Variants in LRRC4C observed in about 807,000 individuals in gnomAD.
LRRC4C encodes leucine-rich repeat-containing protein 4C.
LRRC4C carries 5 observed loss-of-function variants against 33.6 expected under a neutral mutation model. The ratio of observed to expected loss-of-function variants is 0.15; its 90% confidence interval spans 0.08 to 0.31. The LOEUF is 0.31. Among genes scored for constraint, LRRC4C ranks in the 10% least tolerant of loss-of-function variants. LRRC4C has a pLI of 1.00. For synonymous variants in LRRC4C, 329 were observed against 302.0 expected (o/e 1.09, Z -0.93); for missense variants, 560 against 796.7 (o/e 0.70, Z 3.58).
intron 3 of LRRC4C, among the ~76,000 whole-genome samples, chr11:40,523,565 T>A (rs1955912949): frequency 6.7e-6 from 1 of 148,754 alleles, no homozygotes; most frequent in Non-Finnish European, 1.5e-5. Context: ...TTTCTAAATA[T>A]TATGTAAAAT....
chr11:41,092,899 T>C (rs1940528578), intron 1 of LRRC4C, among the ~76,000 whole-genome samples: 1 of 152,240 alleles, frequency 6.6e-6, no homozygotes, highest in Non-Finnish European at 1.5e-5. Context: ...AAGATGTTCT[T>C]TTAACTCTAG....
At chr11:40,591,192 T>C (rs1959038189) in intron 3 of LRRC4C, among the ~76,000 whole-genome samples, 1 of 152,192 alleles carries the variant, frequency 6.6e-6, no homozygotes, top group Non-Finnish European at 1.5e-5. Context: ...GTGCCATTTT[T>C]TAAGCCCGTC....
chr11:41,172,432 C>T (rs1945016505), intron 1 of LRRC4C, among the ~76,000 whole-genome samples: 1 of 152,162 alleles, frequency 6.6e-6, no homozygotes, highest in African/African-American at 2.4e-5. Flanking sequence ...ATCACAAAAC[C>T]ATTCTGAGGT....
chr11:40,321,157 T>C (rs1485828575), intron 3 of LRRC4C, among the ~76,000 whole-genome samples: 2 of 152,180 alleles, frequency 1.3e-5, no homozygotes, highest in Non-Finnish European at 2.9e-5. Context: ...ATATGTAAGA[T>C]AGCTTACAGA....
intron 1 of LRRC4C, among the ~76,000 whole-genome samples, chr11:41,191,188 G>C (rs772618076): frequency 2.6e-5 from 4 of 152,104 alleles, no homozygotes; most frequent in Non-Finnish European, 4.4e-5. Context: ...TTTCTATTTT[G>C]AATTAGGGCA....
intron 3 of LRRC4C, among the ~76,000 whole-genome samples, chr11:40,352,886 T>A (rs1242942246): frequency 6.6e-6 from 1 of 152,182 alleles, no homozygotes; most frequent in Non-Finnish European, 1.5e-5. Context: ...TCAGCACTTT[T>A]AATATGTTAT....
chr11:40,731,011 G>T (rs183122024), intron 2 of LRRC4C, among the ~76,000 whole-genome samples: 2 of 152,196 alleles, frequency 1.3e-5, no homozygotes, highest in Admixed American at 6.5e-5. Flanking sequence ...GTTCTCACGA[G>T]ATTTGGTTGT....
Position 41,414,293 on chromosome 11 carries a change from C to T in LRRC4C, c.-496+45138G>A, listed in dbSNP as rs546329020. 1.8e-4 allele frequency among the ~76,000 whole-genome samples: 27 copies of T among 152,228 alleles called. No individual in the cohort carries two copies. In the South Asian group the frequency reaches 2.9e-3, roughly 16 times the overall value. ...TTCCTCCCCACAACCTACAAACAAG[C>T]TCCTCTCTTATCTAATTTGGAAATC... On this transcript the variant is annotated intron_variant, in intron 1 of 6. Coordinates refer to ENST00000528697, the MANE Select transcript of LRRC4C (RefSeq NM_001258419.2).
At chr11:41,449,377 T>G (rs1405195568) in intron 1 of LRRC4C, among the ~76,000 whole-genome samples, 1 of 152,048 alleles carries the variant, frequency 6.6e-6, no homozygotes, top group African/African-American at 2.4e-5. Flanking sequence ...TGAATAAATG[T>G]CAAAGATAGG....
At chr11:41,081,592 C>A (rs749053052) in intron 1 of LRRC4C, among the ~76,000 whole-genome samples, 32 of 152,118 alleles carry the variant, frequency 2.1e-4, no homozygotes, top group Non-Finnish European at 4.3e-4. Flanking sequence ...CCACCTATTG[C>A]AGGGAGACCT....
At chr11:41,321,217 T>C (rs1372427210) in intron 1 of LRRC4C, among the ~76,000 whole-genome samples, 1 of 152,064 alleles carries the variant, frequency 6.6e-6, no homozygotes, top group East Asian at 1.9e-4. Context: ...AATCACAGAA[T>C]AAAAACAGGG....
chr11:40,200,656 T>C (rs941337554), intron 5 of LRRC4C, among the ~76,000 whole-genome samples: 2 of 150,712 alleles, frequency 1.3e-5, no homozygotes, highest in Non-Finnish European at 2.9e-5. Flanking sequence ...CCCCGTAGTT[T>C]ATTACCTTTG....
chr11:40,833,931 C>T (rs1429789138), intron 2 of LRRC4C, among the ~76,000 whole-genome samples: 1 of 152,048 alleles, frequency 6.6e-6, no homozygotes, highest in East Asian at 1.9e-4. Flanking sequence ...AATTTTTCAT[C>T]TTTCATATAA....
intron 3 of LRRC4C, among the ~76,000 whole-genome samples, chr11:40,487,211 G>A (rs1953909305): frequency 6.6e-6 from 1 of 152,004 alleles, no homozygotes; most frequent in African/African-American, 2.4e-5. Context: ...TTATTTTAAT[G>A]AGAGAAAAAT....
intron 3 of LRRC4C, among the ~76,000 whole-genome samples, chr11:40,325,864 G>T (rs556495608): frequency 3.9e-5 from 6 of 151,952 alleles, no homozygotes; most frequent in Non-Finnish European, 7.4e-5. Context: ...GATTGACAAA[G>T]ATATATTTGA....
At chr11:40,480,911 G>A (rs1953524254) in intron 3 of LRRC4C, among the ~76,000 whole-genome samples, 1 of 151,956 alleles carries the variant, frequency 6.6e-6, no homozygotes, top group South Asian at 2.1e-4. Context: ...GAAGAATGGT[G>A]CTTTTCAGGG....
intron 2 of LRRC4C, among the ~76,000 whole-genome samples, chr11:40,853,083 G>T (rs542058873): frequency 6.6e-6 from 1 of 152,226 alleles, no homozygotes; most frequent in South Asian, 2.1e-4. Context: ...ATCACCTAGT[G>T]ATGTCACAGC....
At chr11:40,557,662 T>A (rs893339804) in intron 3 of LRRC4C, among the ~76,000 whole-genome samples, 1 of 150,342 alleles carries the variant, frequency 6.7e-6, no homozygotes, top group Non-Finnish European at 1.5e-5. Context: ...CTGACATTTT[T>A]ACACTGTCTA....
At chr11:40,734,375 T>A (rs1194736149) in intron 2 of LRRC4C, among the ~76,000 whole-genome samples, 1 of 152,180 alleles carries the variant, frequency 6.6e-6, no homozygotes, top group African/African-American at 2.4e-5. Flanking sequence ...TACGGATATT[T>A]TTCCTTCTCT....
Sources: gnomAD v4.1 joint callset for allele counts (sites outside exome capture counted in the v4.1 genomes callset) on GRCh38, gnomAD v4.1.1 for gene constraint, MANE v1.5 for transcripts, NCBI Gene and HGNC (gene_info 2026-07-23, HGNC 2026-07-21) for gene names.